CACNA2D1: variants seen among roughly 807,000 people sequenced by gnomAD.
The protein encoded by CACNA2D1 is voltage-dependent calcium channel subunit alpha-2/delta-1.
In CACNA2D1, 53 loss-of-function variants were observed where a neutral mutation model predicts 171.5. The ratio of observed to expected loss-of-function variants is 0.31; its 90% CI spans 0.25 to 0.39. The LOEUF (loss-of-function observed/expected upper bound fraction) is 0.39. CACNA2D1 is among the 10% of genes least tolerant of loss of function. The pLI, the probability that CACNA2D1 is intolerant of heterozygous loss-of-function variation, is 1.00. For missense variants in CACNA2D1, 903 were observed against 1,299.8 expected, an observed-to-expected ratio of 0.69 and a Z score of 4.69; for synonymous variants, 442 against 443.1, an observed-to-expected ratio of 1.00 and a Z score of 0.03.
At chr7:82,330,914 C>T (rs1817230235) in intron 3 of CACNA2D1, among the ~76,000 whole-genome samples, 2 of 152,068 alleles carry the variant, frequency 1.3e-5, no homozygotes, top group South Asian at 4.1e-4. Context: ...ATTTCACATT[C>T]TTGCTGCTCA....
At chr7:82,116,194 A>G (rs575034814) in intron 6 of CACNA2D1, among the ~76,000 whole-genome samples, 2 of 152,210 alleles carry the variant, frequency 1.3e-5, no homozygotes, top group South Asian at 4.1e-4. Flanking sequence ...GGGTGGAGGG[A>G]TGGGTTAAAG....
intron 9 of CACNA2D1, 110 bp downstream of exon 9, chr7:82,064,194 C>T (rs1584606072): frequency 3.1e-6 from 2 of 647,748 alleles, no homozygotes; most frequent in Admixed American, 2.5e-5. Flanking sequence ...CATAATTTTT[C>T]TTTGTTTCTT....
chr7:82,410,178 T>G (rs546668518), intron 1 of CACNA2D1, among the ~76,000 whole-genome samples: 9 of 152,326 alleles, frequency 5.9e-5, no homozygotes, highest in African/African-American at 2.2e-4. Context: ...CTCTAAGTAA[T>G]AGTTCCTCTA....
chr7:82,007,878 T>C (rs576925577), intron 15 of CACNA2D1, 122 bp from the exon 16 acceptor site: 1 of 663,300 alleles, frequency 1.5e-6, no homozygotes, highest in African/African-American at 1.8e-5. Flanking sequence ...CCACAAAAAC[T>C]AGTAACTCAT....
At chr7:82,110,597 C>A (rs1419302068) in intron 6 of CACNA2D1, among the ~76,000 whole-genome samples, 4 of 152,164 alleles carry the variant, frequency 2.6e-5, no homozygotes, top group Non-Finnish European at 5.9e-5. Context: ...TCTGCTGCTA[C>A]CCCTGCTCCC....
At chr7:82,268,420 C>T (rs552635162) in intron 3 of CACNA2D1, among the ~76,000 whole-genome samples, 16 of 152,186 alleles carry the variant, frequency 1.1e-4, no homozygotes, top group Middle Eastern at 3.4e-3. Context: ...AAAGGTATTA[C>T]GGAGAGAACC....
At chr7:82,141,737 G>A (rs576338325) in intron 4 of CACNA2D1, among the ~76,000 whole-genome samples, 6 of 152,244 alleles carry the variant, frequency 3.9e-5, no homozygotes, top group African/African-American at 1.4e-4. Context: ...AGCTTTCTCA[G>A]TTTTCAAAAC....
intron 3 of CACNA2D1, among the ~76,000 whole-genome samples, chr7:82,312,509 CTTTTTTTT>C (rs557443177): frequency 2.5e-5 from 3 of 118,990 alleles, no homozygotes; most frequent in Non-Finnish European, 5.1e-5. Flanking sequence ...TTAACTGAAA[CTTTTTTTT>C]TTTTTTTTTT....
At chr7:82,327,275 T>C (rs1219405913) in intron 3 of CACNA2D1, among the ~76,000 whole-genome samples, 4 of 152,224 alleles carry the variant, frequency 2.6e-5, no homozygotes, top group Non-Finnish European at 5.9e-5. Flanking sequence ...TTATCCCCCT[T>C]GCAGCCAAAG....
chr7:82,248,245 T>G (rs1313220323), intron 3 of CACNA2D1, among the ~76,000 whole-genome samples: 5 of 152,236 alleles, frequency 3.3e-5, no homozygotes, highest in African/African-American at 1.2e-4. Context: ...GACTGTTTTT[T>G]CTAAATTGTT....
chr7:82,044,378 G>A (rs1022146597), intron 10 of CACNA2D1, among the ~76,000 whole-genome samples: 2 of 152,116 alleles, frequency 1.3e-5, no homozygotes, highest in African/African-American at 4.8e-5. Context: ...TACTTAACAT[G>A]TCTTAATGTT....
intron 3 of CACNA2D1, among the ~76,000 whole-genome samples, chr7:82,218,675 A>C (rs1013626176): frequency 2.0e-5 from 3 of 152,172 alleles, no homozygotes; most frequent in Non-Finnish European, 4.4e-5. Flanking sequence ...TCTCTGTAGC[A>C]GCTGAGGAAT....
intron 4 of CACNA2D1, among the ~76,000 whole-genome samples, chr7:82,148,984 C>T (rs1793474760): frequency 6.6e-6 from 1 of 152,132 alleles, no homozygotes; most frequent in South Asian, 2.1e-4. Flanking sequence ...TATTTCCCCA[C>T]TCTATAAATC....
rs149406906 is a variant in CACNA2D1 at position 82,066,442 on chromosome 7, T to C, written c.728+13A>G. On this transcript the variant is annotated intron_variant, in intron 8 of 38. Coordinates refer to ENST00000356860, the MANE Select transcript of CACNA2D1 (RefSeq NM_000722.4). Reference sequence around the variant, plus strand: ...CCTATTTTATCTTTTCATGGCTAGCTAAAAATTCTTACCATGGTCTTCTGC... The same window carrying C: ...CCTATTTTATCTTTTCATGGCTAGCCAAAAATTCTTACCATGGTCTTCTGC... 11 of 1,610,788 alleles carry C rather than the reference T, an allele frequency of 6.8e-6. No homozygotes were observed. Among genetic ancestry groups the C allele is most frequent in the Non-Finnish European group, 9.3e-6 (11 of 1,178,636 alleles).
intron 1 of CACNA2D1, among the ~76,000 whole-genome samples, chr7:82,374,106 G>C (rs951469111): frequency 2.6e-5 from 4 of 152,144 alleles, no homozygotes; most frequent in Non-Finnish European, 5.9e-5. Context: ...TTCCAATATA[G>C]CTTACTTGCC....
At chr7:82,128,583 C>T (rs1486854694) in intron 5 of CACNA2D1, among the ~76,000 whole-genome samples, 1 of 152,122 alleles carries the variant, frequency 6.6e-6, no homozygotes, top group East Asian at 1.9e-4. Context: ...GGAGGCCATG[C>T]ATCATCATTA....
chr7:82,417,918 G>T (rs894904113), intron 1 of CACNA2D1, among the ~76,000 whole-genome samples: 1 of 152,140 alleles, frequency 6.6e-6, no homozygotes, highest in African/African-American at 2.4e-5. Context: ...AAGTATTATG[G>T]AGAGGACAAT....
chr7:81,980,172 C>CAAAAAAAA lies in CACNA2D1; in HGVS notation c.1955+2387_1955+2394dup, dbSNP rs35616922. Among the ~76,000 whole-genome samples the CAAAAAAAA allele has an allele frequency of 5.0e-3, 126 of 25,266 alleles. 6 individuals carry two copies. The highest frequency in any genetic ancestry group is 0.05 in the Middle Eastern group (1 of 20). The allele number at this position is 25,266 out of a possible 152,430, so 16.6% of individuals were successfully genotyped here. A position where few individuals can be genotyped will look rare whatever the true frequency, so the allele number is the denominator to read the frequency against. ...AAAAGAAGGTAAAACTAAAACCAAG[C>CAAAAAAAA]AAAAAAAAAAAAAAAAAAAAAAAAA... On this transcript the variant is annotated intron_variant, in intron 24 of 38. Coordinates refer to ENST00000356860, the MANE Select transcript of CACNA2D1 (RefSeq NM_000722.4).
At position 82,129,842 on chromosome 7, in the gene CACNA2D1, G is replaced by C. The variant is rs1022739164; in HGVS notation, c.396+6793C>G. 7.2e-5 allele frequency among the ~76,000 whole-genome samples: 11 copies of C among 152,046 alleles called. No individual in the cohort carries two copies. The East Asian group carries it at 2.1e-3, about 29-fold the overall frequency. ...TTTCTTCCCCAAGTGTTTGTCCTTG[G>C]TGCTGTCATATTTGTAACTACAGAA... On this transcript the variant is annotated intron_variant, in intron 5 of 38. Transcript: ENST00000356860.
Sources: allele counts gnomAD v4.1 joint callset (sites outside exome capture counted in the v4.1 genomes callset), GRCh38; gene constraint gnomAD v4.1.1; transcripts MANE v1.5; gene names NCBI Gene and HGNC (gene_info 2026-07-23, HGNC 2026-07-21).